Variants in IAH1 observed in about 807,000 individuals in gnomAD.
IAH1 encodes the protein isoamyl acetate-hydrolyzing esterase 1 homolog.
A neutral mutation model predicts 26.7 loss-of-function variants in IAH1; 24 were observed. The ratio of observed to expected loss-of-function variants is 0.90; its 90% CI spans 0.65 to 1.26. The LOEUF (loss-of-function observed/expected upper bound fraction) is 1.26, where lower values mean the gene tolerates loss of function less well. Among genes scored for constraint, IAH1 ranks in the 50% most tolerant of loss-of-function variants. IAH1 has a pLI of 0.00. For missense variants in IAH1, 300 were observed against 299.9 expected (o/e 1.00, Z 0.00); for synonymous variants, 140 against 118.5 (o/e 1.18, Z -1.18).
downstream of IAH1, among the ~76,000 whole-genome samples, chr2:9,492,347 A>G (rs1431715370): frequency 2.0e-5 from 3 of 152,250 alleles, no homozygotes; most frequent in East Asian, 3.8e-4. Flanking sequence ...TCAAAGCCCA[A>G]TTCAACTTGT....
the IAH1 span, chr2:9,505,211 GT>G: frequency 6.2e-7 from 1 of 1,614,132 alleles, no homozygotes; most frequent in Non-Finnish European, 8.5e-7. Context: ...GTTGCAGCAG[GT>G]GTCGTTGTTC....
chr2:9,489,385 T>C lies in IAH1; in HGVS notation c.*1056T>C, dbSNP rs970034994. The C allele has an allele frequency of 2.7e-5, 4 of 147,864 alleles. No homozygotes were observed. The highest frequency in any genetic ancestry group is 6.9e-5 in the Admixed American group (1 of 14,432). The allele number at this position is 147,864 out of a possible 1,614,324, so 9.2% of individuals were successfully genotyped here. A position where few individuals can be genotyped will look rare whatever the true frequency, so the allele number is the denominator to read the frequency against. On this transcript the variant is annotated 3_prime_UTR_variant, in exon 6 of 6. Transcript: ENST00000497473. ...GGCATGAGCCACCACTCCCAGCCAATAGTGAATTTTCTAAGAGCATGTATC... is the reference window on the plus strand; with the variant it reads ...GGCATGAGCCACCACTCCCAGCCAACAGTGAATTTTCTAAGAGCATGTATC...
the IAH1 span, chr2:9,505,463 A>G: frequency 7.3e-5 from 94 of 1,281,746 alleles, 3 homozygotes; most frequent in Admixed American, 1.4e-3. Context: ...TCTTAATGTA[A>G]AACCACCATC....
At chr2:9,477,554 C>T (rs542651618) in intron 2 of IAH1, among the ~76,000 whole-genome samples, 3 of 152,144 alleles carry the variant, frequency 2.0e-5, no homozygotes, top group African/African-American at 4.8e-5. Flanking sequence ...CTGCCTGATG[C>T]GAATCCTTAA....
At chr2:9,494,724 G>A, downstream of IAH1, 2 of 1,614,064 alleles carry the variant, frequency 1.2e-6, no homozygotes, top group Non-Finnish European at 1.7e-6. Context: ...GCACACAGCG[G>A]CCAGAAAGGT....
chr2:9,489,887 T>TCATAACCCAAAAACGTAAATAC (rs1661968989), downstream of IAH1: 2 of 313,746 alleles, frequency 6.4e-6, no homozygotes, highest in Non-Finnish European at 1.2e-5. Flanking sequence ...AACGTAAATA[T>TCATAACCCAAAAACGTAAATAC]TCATAACCCA....
downstream of IAH1, chr2:9,493,053 T>C (rs1662291456): frequency 7.6e-7 from 1 of 1,317,752 alleles, no homozygotes; most frequent in South Asian, 1.3e-5. Context: ...GAAATGCTCT[T>C]AGGATATTAC....
downstream of IAH1, chr2:9,493,847 A>T (rs1662350922): frequency 6.3e-7 from 1 of 1,588,860 alleles, no homozygotes; most frequent in African/African-American, 1.3e-5. Flanking sequence ...AAACATACAT[A>T]CAGCATCATT....
chr2:9,497,395 T>C (rs1662695683), downstream of IAH1: 17 of 1,024,552 alleles, frequency 1.7e-5, no homozygotes, highest in Non-Finnish European at 1.8e-5. Flanking sequence ...AGAGCCTGCA[T>C]CTCACCAGCA....
intron 1 of IAH1, among the ~76,000 whole-genome samples, chr2:9,475,495 T>TTTTTTTTC (rs1304492627): frequency 2.0e-5 from 3 of 152,020 alleles, no homozygotes; most frequent in Non-Finnish European, 2.9e-5. Flanking sequence ...TAGCTTTTTT[T>TTTTTTTTC]TTTTTTTCTT....
chr2:9,474,554 G>GCCCCC lies in IAH1; in HGVS notation c.-10_-9insCCCCC, dbSNP rs2124886515. The GCCCCC allele has an allele frequency of 5.9e-6, 6 of 1,008,622 alleles. No individual in the cohort carries two copies. Among genetic ancestry groups the GCCCCC allele is most frequent in the African/African-American group, 1.7e-5 (1 of 58,880 alleles). The allele number at this position is 1,008,622 out of a possible 1,614,324, so 62.5% of individuals were successfully genotyped here. A position where few individuals can be genotyped will look rare whatever the true frequency, so the allele number is the denominator to read the frequency against. ...GTGGCTGGCGGCCCCGCCCCGCCCC[G>GCCCCC]CCCGGCTGCTCCATGGCGCTGTGCG... On this transcript the variant is annotated 5_prime_UTR_variant, in exon 1 of 6. Coordinates refer to ENST00000497473, the MANE Select transcript of IAH1 (RefSeq NM_001039613.3). The surrounding 1 kb of genome is among the most constrained non-coding windows in gnomAD (Gnocchi z 4.3).
At chr2:9,497,301 T>G, downstream of IAH1, 5 of 1,604,458 alleles carry the variant, frequency 3.1e-6, no homozygotes, top group Non-Finnish European at 4.3e-6. Context: ...GTCCACCAGT[T>G]CTACAGGTGC....
intron 3 of IAH1, chr2:9,480,968 C>T (rs1661133840): frequency 4.7e-6 from 1 of 211,296 alleles, no homozygotes; most frequent in Non-Finnish European, 9.4e-6. Flanking sequence ...AGGATTTGAA[C>T]CTAGGCCGTC....
At chr2:9,509,158 A>C in the IAH1 span, among the ~76,000 whole-genome samples, 1 of 152,324 alleles carries the variant, frequency 6.6e-6, no homozygotes, top group Admixed American at 6.5e-5. Flanking sequence ...GAGTCAGGAC[A>C]AATACTTCAC....
the IAH1 span, among the ~76,000 whole-genome samples, chr2:9,509,294 C>T: frequency 6.6e-6 from 1 of 152,142 alleles, no homozygotes; most frequent in South Asian, 2.1e-4. Flanking sequence ...ATGAAAGAAC[C>T]AGATATTTAT....
At chr2:9,478,808 G>A (rs191812839) in intron 3 of IAH1, among the ~76,000 whole-genome samples, 10 of 152,308 alleles carry the variant, frequency 6.6e-5, no homozygotes, top group Non-Finnish European at 1.5e-4. Context: ...CGTGGGTTTG[G>A]AAAAGGAGAT....
the IAH1 span, among the ~76,000 whole-genome samples, chr2:9,506,105 G>C: frequency 6.6e-6 from 1 of 152,070 alleles, no homozygotes; most frequent in Non-Finnish European, 1.5e-5. Context: ...ATCAAAAAAA[G>C]AAGAGGCTTA....
chr2:9,504,120 C>T, the IAH1 span, among the ~76,000 whole-genome samples: 1 of 152,118 alleles, frequency 6.6e-6, no homozygotes, highest in African/African-American at 2.4e-5. Flanking sequence ...CACTGCACTC[C>T]ATCTTGGGCA....
At position 9,476,810 on chromosome 2, in the gene IAH1, G is replaced by A. The variant is rs374939965; in HGVS notation, c.134+771G>A. ...ATGTCATCAGTTAAGGCAGGAACTG[G>A]CTGTTTCACTCCTTTTGTGGTTCTT... On this transcript the variant is annotated intron_variant, in intron 2 of 5. Coordinates refer to ENST00000497473, the MANE Select transcript of IAH1 (RefSeq NM_001039613.3). 7.8e-4 allele frequency among the ~76,000 whole-genome samples: 119 copies of A among 152,318 alleles called. 1 individual carries two copies. Among genetic ancestry groups the A allele is most frequent in the African/African-American group, 2.8e-3 (115 of 41,568 alleles).
Sources: allele counts gnomAD v4.1 joint callset (sites outside exome capture counted in the v4.1 genomes callset), GRCh38; gene constraint gnomAD v4.1.1; non-coding constraint Gnocchi (gnomAD v3.1); transcripts MANE v1.5; gene names NCBI Gene and HGNC (gene_info 2026-07-23, HGNC 2026-07-21).